CCSER1: variants seen among roughly 807,000 people sequenced by gnomAD.
CCSER1 encodes the protein coiled-coil serine rich protein 1.
A neutral mutation model predicts 82.0 loss-of-function variants in CCSER1; 41 were observed. The observed-to-expected ratio is 0.50, with a 90% CI of 0.39 to 0.65. The LOEUF (loss-of-function observed/expected upper bound fraction) is 0.65. Ranked by LOEUF, CCSER1 falls within the 30% of genes least tolerant of loss-of-function variation. The probability of loss-of-function intolerance (pLI) is 0.00; values close to 1 mark genes in which losing one functional copy is unlikely to be tolerated. For synonymous variants in CCSER1, 414 were observed against 383.9 expected (o/e 1.08, Z -0.92); for missense variants, 1,119 against 1,064.2 (o/e 1.05, Z -0.72).
chr4:90,424,687 C>T (rs1263747142), intron 4 of CCSER1, among the ~76,000 whole-genome samples: 1 of 152,202 alleles, frequency 6.6e-6, no homozygotes, highest in Non-Finnish European at 1.5e-5. Flanking sequence ...CTTCAACCAT[C>T]CCTTAGAATG....
chr4:91,360,105 G>T (rs1207364579), intron 10 of CCSER1, among the ~76,000 whole-genome samples: 1 of 151,760 alleles, frequency 6.6e-6, no homozygotes, highest in Non-Finnish European at 1.5e-5. Context: ...TAATGGTAGT[G>T]TGGCACCATA....
intron 9 of CCSER1, among the ~76,000 whole-genome samples, chr4:91,083,020 A>G (rs563876717): frequency 1.3e-5 from 2 of 152,344 alleles, no homozygotes; most frequent in African/African-American, 2.4e-5. Context: ...TCAAGGATCT[A>G]GAACTAGGAA....
chr4:91,391,941 C>T (rs867610269), intron 10 of CCSER1, among the ~76,000 whole-genome samples: 4 of 152,064 alleles, frequency 2.6e-5, no homozygotes, highest in Admixed American at 1.3e-4. Context: ...CACATATGTA[C>T]ATATACACAT....
chr4:91,141,176 G>A (rs995136893), intron 10 of CCSER1, among the ~76,000 whole-genome samples: 3 of 147,824 alleles, frequency 2.0e-5, no homozygotes, highest in East Asian at 2.0e-4. Flanking sequence ...TTCTTTTTGA[G>A]ACAGAGTCTC....
At position 90,485,518 on chromosome 4, in the gene CCSER1, ACCCC is replaced by A. The variant is rs766257489; in HGVS notation, c.1724+17173_1724+17176del. On this transcript the variant is annotated intron_variant, in intron 5 of 10. Coordinates refer to ENST00000509176, the MANE Select transcript of CCSER1 (RefSeq NM_001145065.2). ...GTTCCTATTCGGCCATCTTGGCTCC[ACCCC>A]CCCCCCCCAATTTAACTTTTATTTA... 3.1e-4 allele frequency among the ~76,000 whole-genome samples: 29 copies of A among 93,822 alleles called. No individual in the cohort carries two copies. In the East Asian group the frequency reaches 4.6e-3, roughly 15 times the overall value. 61.6% of individuals were successfully genotyped at this position (93,822 alleles called of 152,430 possible).
chr4:90,349,319 C>G (rs187112095), intron 3 of CCSER1, among the ~76,000 whole-genome samples: 317 of 152,160 alleles, frequency 2.1e-3, no homozygotes, highest in Non-Finnish European at 2.7e-3. Flanking sequence ...CTAGCCCTTG[C>G]ATTTTAGATT....
chr4:90,271,762 C>A (rs1231036996), intron 1 of CCSER1, among the ~76,000 whole-genome samples: 1 of 138,474 alleles, frequency 7.2e-6, no homozygotes, highest in Non-Finnish European at 1.5e-5. Flanking sequence ...AATTAATAAC[C>A]AGATTATATA....
chr4:90,924,490 T>A (rs952157388), intron 9 of CCSER1, among the ~76,000 whole-genome samples: 1 of 152,182 alleles, frequency 6.6e-6, no homozygotes, highest in Non-Finnish European at 1.5e-5. Context: ...GAATTAAAAA[T>A]TATTCAATTA....
At chr4:90,541,899 T>C (rs529895897) in intron 5 of CCSER1, among the ~76,000 whole-genome samples, 1 of 152,194 alleles carries the variant, frequency 6.6e-6, no homozygotes, top group East Asian at 1.9e-4. Flanking sequence ...CAGCATTATA[T>C]ATCTAATGAA....
chr4:90,584,825 A>AT (rs1781809756), intron 5 of CCSER1, among the ~76,000 whole-genome samples: 1 of 152,212 alleles, frequency 6.6e-6, no homozygotes, highest in African/African-American at 2.4e-5. Context: ...TCTCAAGCAG[A>AT]TTATAAACAG....
chr4:90,340,753 A>AAATGCTAATTTC (rs1360611595), intron 3 of CCSER1, among the ~76,000 whole-genome samples: 1 of 152,126 alleles, frequency 6.6e-6, no homozygotes, highest in African/African-American at 2.4e-5. Context: ...CAAGTCTTTG[A>AAATGCTAATTTC]AATGCTAATT....
intron 3 of CCSER1, among the ~76,000 whole-genome samples, chr4:90,315,548 A>C (rs762208893): frequency 2.6e-5 from 4 of 152,128 alleles, no homozygotes; most frequent in Non-Finnish European, 5.9e-5. Flanking sequence ...TCTGTCACCC[A>C]GGCTGGAGTG....
intron 10 of CCSER1, among the ~76,000 whole-genome samples, chr4:91,526,714 C>T (rs540626612): frequency 7.9e-5 from 12 of 152,204 alleles, no homozygotes; most frequent in African/African-American, 2.6e-4. Context: ...AAGCGATTCT[C>T]CTGCCAAGTA....
intron 1 of CCSER1, among the ~76,000 whole-genome samples, chr4:90,283,565 T>C (rs1729265001): frequency 6.6e-6 from 1 of 152,082 alleles, no homozygotes; most frequent in African/African-American, 2.4e-5. Context: ...ATAAAATGTT[T>C]TTAACTGTAG....
chr4:90,927,393 A>G (rs1293239624), intron 9 of CCSER1, among the ~76,000 whole-genome samples: 1 of 152,020 alleles, frequency 6.6e-6, no homozygotes, highest in Non-Finnish European at 1.5e-5. Context: ...TTCTGATGTT[A>G]TCAGGTATTT....
At chr4:91,167,552 A>G (rs1047373722) in intron 10 of CCSER1, among the ~76,000 whole-genome samples, 5 of 152,242 alleles carry the variant, frequency 3.3e-5, no homozygotes, top group Non-Finnish European at 7.3e-5. Flanking sequence ...AGCAATCTGT[A>G]ATATACAACT....
At chr4:90,535,148 A>G (rs1020596360) in intron 5 of CCSER1, among the ~76,000 whole-genome samples, 11 of 152,162 alleles carry the variant, frequency 7.2e-5, no homozygotes. Context: ...TAAATACATT[A>G]TTAATATATT....
chr4:90,609,468 G>C lies in CCSER1; in HGVS notation c.1725-18557G>C, dbSNP rs555802325. 2.0e-4 allele frequency among the ~76,000 whole-genome samples: 24 copies of C among 122,926 alleles called. No individual in the cohort carries two copies. The East Asian group carries it at 5.9e-3, about 30-fold the overall frequency. The allele number at this position is 122,926 out of a possible 152,430, so 80.6% of individuals were successfully genotyped here. On this transcript the variant is annotated intron_variant, in intron 5 of 10. Transcript: ENST00000509176. ...AATAATACACAAAAAAGTCTATATAGTTTTCCTTTTGATAGAACAAAACTT... is the reference window on the plus strand; with the variant it reads ...AATAATACACAAAAAAGTCTATATACTTTTCCTTTTGATAGAACAAAACTT...
At chr4:91,332,336 C>T (rs1747015406) in intron 10 of CCSER1, among the ~76,000 whole-genome samples, 1 of 151,732 alleles carries the variant, frequency 6.6e-6, no homozygotes, top group Non-Finnish European at 1.5e-5. Context: ...GTCAACATTA[C>T]TGGAGTGCTT....
Sources: allele counts gnomAD v4.1 joint callset (sites outside exome capture counted in the v4.1 genomes callset), GRCh38; gene constraint gnomAD v4.1.1; transcripts MANE v1.5; gene names NCBI Gene and HGNC (gene_info 2026-07-23, HGNC 2026-07-21).